Variants in SSBP4 observed in about 807,000 individuals in gnomAD.
SSBP4 encodes single-stranded DNA-binding protein 4.
Under a neutral mutation model 64.6 loss-of-function variants are expected in SSBP4, and 33 were observed. The ratio of observed to expected loss-of-function variants is 0.51; its 90% confidence interval spans 0.39 to 0.68. The LOEUF is 0.68. Among genes scored for constraint, SSBP4 ranks in the 30% least tolerant of loss-of-function variants. The pLI, the probability that SSBP4 is intolerant of heterozygous loss-of-function variation, is 0.00. For synonymous variants in SSBP4, 243 were observed against 224.0 expected (o/e 1.08, Z -0.76); for missense variants, 583 against 566.8 (o/e 1.03, Z -0.29).
chr19:18,434,205 C>T lies in SSBP4; in HGVS notation c.1129-12C>T, dbSNP rs777012621. ...CTCGGCCCCTGCGCGCTGCCCCCTC[C>T]TCTCTCCGCAGTACTCGCCAGGGAT... On this transcript the variant is annotated splice_polypyrimidine_tract_variant and intron_variant, in intron 17 of 17. Transcript: ENST00000270061. The T allele has an allele frequency of 8.7e-6, 14 of 1,611,592 alleles. No homozygotes were observed. The highest frequency in any genetic ancestry group is 1.7e-4 in the Middle Eastern group (1 of 6,054).
chr19:18,405,222 G>T, the SSBP4 span, among the ~76,000 whole-genome samples: 1 of 152,136 alleles, frequency 6.6e-6, no homozygotes, highest in African/African-American at 2.4e-5. Context: ...GTCAGATCAG[G>T]CTGGAACAGG....
intron 17 of SSBP4, 29 bp from the exon 18 acceptor site, chr19:18,434,188 C>T (rs1973812026): frequency 6.2e-7 from 1 of 1,610,292 alleles, no homozygotes; most frequent in Non-Finnish European, 8.5e-7. Flanking sequence ...AACTCGGCCC[C>T]TGCGCGCTGC....
upstream of SSBP4, among the ~76,000 whole-genome samples, chr19:18,417,085 C>G (rs539240775): frequency 3.0e-4 from 46 of 152,022 alleles, no homozygotes; most frequent in East Asian, 4.8e-3. This position sits in a 1 kb window ranked among gnomAD's most constrained non-coding sequence, Gnocchi z 5.4. Context: ...CTCCCTCCCT[C>G]CGCCTCCGCC....
chr19:18,405,515 TC>T, the SSBP4 span, among the ~76,000 whole-genome samples: 1 of 133,912 alleles, frequency 7.5e-6, no homozygotes, highest in Non-Finnish European at 1.6e-5. Context: ...AAAAAAAAAA[TC>T]TTTTTGAGAC....
At chr19:18,433,495 G>A (rs1973669737) in intron 15 of SSBP4, 90 bp from the exon 16 acceptor site, 1 of 1,510,454 alleles carries the variant, frequency 6.6e-7, no homozygotes, top group East Asian at 2.5e-5. Flanking sequence ...CGTCGGCGGG[G>A]GCAGCTTGCG....
the SSBP4 span, among the ~76,000 whole-genome samples, chr19:18,408,151 T>C: frequency 3.9e-5 from 6 of 152,206 alleles, no homozygotes; most frequent in Non-Finnish European, 8.8e-5. Flanking sequence ...ATGTCCCACC[T>C]GTGAGGCTTG....
chr19:18,419,220 G>C (rs946122550), upstream of SSBP4: 8 of 987,754 alleles, frequency 8.1e-6, no homozygotes, highest in Non-Finnish European at 8.4e-6. Context: ...GTGGCCGTCC[G>C]GGATCCTGAC....
rs1972574139 is a variant in SSBP4 at position 18,423,123 on chromosome 19, C to T, written c.59+3416C>T. Among the ~76,000 whole-genome samples the T allele has an allele frequency of 6.6e-6, 1 of 152,272 alleles. No homozygotes were observed. The highest frequency in any genetic ancestry group is 1.9e-4 in the East Asian group (1 of 5,178). On this transcript the variant is annotated intron_variant, in intron 1 of 17. Transcript: ENST00000270061. This position sits in a 1 kb window ranked among gnomAD's most constrained non-coding sequence, Gnocchi z 4.0. Reference sequence around the variant, plus strand: ...GGCTGGGGTCTGAGTGGGCCACTTGCAAGAAGAGGGGCATGTGTATATCCT... The same window carrying T: ...GGCTGGGGTCTGAGTGGGCCACTTGTAAGAAGAGGGGCATGTGTATATCCT...
chr19:18,432,649 G>GGC, intron 11 of SSBP4, 45 bp downstream of exon 11: 2 of 489,072 alleles, frequency 4.1e-6, no homozygotes, highest in East Asian at 5.0e-5. Context: ...GGGTGGGAGG[G>GGC]ACACTGGGTG....
At chr19:18,434,057 G>A in intron 17 of SSBP4, 160 bp from the exon 18 acceptor site, 3 of 1,262,686 alleles carry the variant, frequency 2.4e-6, no homozygotes, top group Non-Finnish European at 3.0e-6. Context: ...CCCCAGGGCG[G>A]CCTTCCCATG....
At chr19:18,419,318 T>G, upstream of SSBP4, 2 of 1,005,016 alleles carry the variant, frequency 2.0e-6, no homozygotes, top group Non-Finnish European at 1.2e-6. Flanking sequence ...GCGCCCGCCA[T>G]CGCCCCTTTA....
rs183079031 is a variant in SSBP4 at position 18,423,317 on chromosome 19, G to A, written c.59+3610G>A. Among the ~76,000 whole-genome samples the A allele has an allele frequency of 1.4e-3, 209 of 152,328 alleles. No individual in the cohort carries two copies. Among genetic ancestry groups the A allele is most frequent in the Admixed American group, 2.7e-3 (41 of 15,304 alleles). ...CAGGTAAGCCAGGGATGGGATTCAC[G>A]ATTGGACGTGGTCATTTTGGCCCCT... On this transcript the variant is annotated intron_variant, in intron 1 of 17. Transcript: ENST00000270061. The surrounding 1 kb of genome is among the most constrained non-coding windows in gnomAD (Gnocchi z 4.0).
At chr19:18,431,441 CCT>C in intron 6 of SSBP4, 23 bp downstream of exon 6, 5 of 1,415,110 alleles carry the variant, frequency 3.5e-6, no homozygotes, top group South Asian at 2.5e-5. Flanking sequence ...GGTGCCTGCC[CCT>C]CACACACACA....
the SSBP4 span, among the ~76,000 whole-genome samples, chr19:18,411,974 G>A: frequency 6.6e-6 from 1 of 151,722 alleles, no homozygotes; most frequent in Non-Finnish European, 1.5e-5. Flanking sequence ...GACCAACCTG[G>A]GAAACAAAGT....
intron 4 of SSBP4, among the ~76,000 whole-genome samples, chr19:18,429,488 G>T (rs988610851): frequency 6.6e-6 from 1 of 151,578 alleles, no homozygotes; most frequent in Admixed American, 6.6e-5. Context: ...GGGTGCGGTG[G>T]AGCGTCCCCG....
intron 1 of SSBP4, among the ~76,000 whole-genome samples, chr19:18,425,606 C>A (rs8106096): frequency 4.6e-5 from 7 of 151,448 alleles, no homozygotes; most frequent in Non-Finnish European, 8.8e-5. Flanking sequence ...TGCAGGCCGC[C>A]GGGCCAGGAA....
the SSBP4 span, among the ~76,000 whole-genome samples, chr19:18,402,916 A>AAAGAGGAAGGCCTCTTGCAGTTGAGCT: frequency 6.6e-6 from 1 of 152,160 alleles, no homozygotes; most frequent in African/African-American, 2.4e-5. Context: ...AGGATTAGTA[A>AAAGAGGAAGGCCTCTTGCAGTTGAGCT]AAGAGGAAGG....
chr19:18,408,861 T>A, the SSBP4 span, among the ~76,000 whole-genome samples: 4 of 152,168 alleles, frequency 2.6e-5, no homozygotes, highest in Admixed American at 2.6e-4. Context: ...TCACCCAGGC[T>A]GGAGTGCAGT....
At chr19:18,432,270 TGGCTGGGTC>T (rs1308960773) in intron 10 of SSBP4, 56 bp downstream of exon 10, 1 of 1,590,638 alleles carries the variant, frequency 6.3e-7, no homozygotes, top group Non-Finnish European at 8.6e-7. Flanking sequence ...ACCAGCTTCA[TGGCTGGGTC>T]AGCTGGGGCA....
Sources: allele counts gnomAD v4.1 joint callset (sites outside exome capture counted in the v4.1 genomes callset), GRCh38; gene constraint gnomAD v4.1.1; non-coding constraint Gnocchi (gnomAD v3.1); transcripts MANE v1.5; gene names NCBI Gene and HGNC (gene_info 2026-07-23, HGNC 2026-07-21).